RAPGEF4: variants seen among roughly 807,000 people sequenced by gnomAD.
RAPGEF4 encodes the protein RAP guanine-nucleotide-exchange factor (GEF) 4.
RAPGEF4 carries 66 observed loss-of-function variants against 147.9 expected under a neutral mutation model. That is an observed-to-expected ratio of 0.45 (90% confidence interval 0.37 to 0.55). RAPGEF4 has a LOEUF of 0.55. Among genes scored for constraint, RAPGEF4 ranks in the 20% least tolerant of loss-of-function variants. The probability of loss-of-function intolerance (pLI) is 0.00; values close to 1 mark genes in which losing one functional copy is unlikely to be tolerated. For synonymous variants in RAPGEF4, 419 were observed against 442.7 expected, an observed-to-expected ratio of 0.95 and a Z score of 0.67; for missense variants, 1,071 against 1,257.3, an observed-to-expected ratio of 0.85 and a Z score of 2.24.
intron 2 of RAPGEF4, among the ~76,000 whole-genome samples, chr2:172,796,441 C>T (rs531808686): frequency 3.3e-5 from 5 of 151,950 alleles, no homozygotes; most frequent in Non-Finnish European, 5.9e-5. Context: ...AACAATTAGC[C>T]GGGCGTGGTG....
At chr2:172,771,475 T>G (rs966821193) in intron 1 of RAPGEF4, among the ~76,000 whole-genome samples, 23 of 152,102 alleles carry the variant, frequency 1.5e-4, no homozygotes, top group Admixed American at 9.2e-4. Context: ...AGAAAAAGAT[T>G]GAAAAAATAT....
intron 1 of RAPGEF4, among the ~76,000 whole-genome samples, chr2:172,780,622 C>A (rs79247139): frequency 0.011 from 1,635 of 152,280 alleles, 15 homozygotes; most frequent in South Asian, 0.035. Flanking sequence ...CTCAAAATAA[C>A]CATATGGCAT....
At chr2:172,927,513 G>A (rs1452112455) in intron 6 of RAPGEF4, among the ~76,000 whole-genome samples, 1 of 152,138 alleles carries the variant, frequency 6.6e-6, no homozygotes, top group Non-Finnish European at 1.5e-5. Flanking sequence ...GCTCATGCCA[G>A]TAATCCTAAC....
At chr2:173,014,682 C>T (rs1019876245) in intron 18 of RAPGEF4, 68 bp downstream of exon 18, 2 of 1,475,486 alleles carry the variant, frequency 1.4e-6, no homozygotes, top group African/African-American at 2.8e-5. Flanking sequence ...CTTATAGGCT[C>T]AGCAGCTTCC....
chr2:172,880,101 G>C (rs1432560664), intron 4 of RAPGEF4, among the ~76,000 whole-genome samples: 1 of 152,170 alleles, frequency 6.6e-6, no homozygotes, highest in Admixed American at 6.5e-5. Context: ...GACTGAAGGG[G>C]TGGGGGAATC....
intron 1 of RAPGEF4, 76 bp downstream of exon 1, chr2:172,736,124 A>C: frequency 8.4e-7 from 1 of 1,186,326 alleles, no homozygotes; most frequent in Non-Finnish European, 1.1e-6. Flanking sequence ...GCAGCTCCGC[A>C]CCTGGGCGCA....
chr2:172,784,840 T>G lies in RAPGEF4; in HGVS notation c.66-10185T>G, dbSNP rs556157722. Among the ~76,000 whole-genome samples the G allele has an allele frequency of 3.3e-5, 5 of 152,240 alleles. 1 individual carries two copies. The highest frequency in any genetic ancestry group is 1.2e-4 in the African/African-American group (5 of 41,552). ...AAAATGAGATTCTATTTTTTTTTTT[T>G]TTGTGACGGAGTTTTGCTCTTGTTG... On this transcript the variant is annotated intron_variant, in intron 1 of 30. Coordinates refer to ENST00000397081, the MANE Select transcript of RAPGEF4 (RefSeq NM_007023.4).
intron 4 of RAPGEF4, among the ~76,000 whole-genome samples, chr2:172,870,976 T>C (rs1695178797): frequency 6.6e-6 from 1 of 152,212 alleles, no homozygotes; most frequent in South Asian, 2.1e-4. Context: ...TATTTATTTC[T>C]ATTAGAATTA....
chr2:172,960,809 C>T lies in RAPGEF4; in HGVS notation c.587C>T (p.Thr196Ile). ...CCTCTTCGTCCTGCTAACACCATTA[C>T]CAAGGTAATGGGATGTAGGTGGGTT... ...HVPLRPANTI[T>I]KVPSEKILRA... Residue 196 changes from threonine to isoleucine, a missense_variant, in exon 7 of 31, where the codon ACC (threonine) becomes ATC (isoleucine). Transcript: ENST00000397081. 6.2e-7 allele frequency: 1 copy of T among 1,604,828 alleles called. No individual in the cohort carries two copies. The highest frequency in any genetic ancestry group is 8.5e-7 in the Non-Finnish European group (1 of 1,174,508).
intron 10 of RAPGEF4, among the ~76,000 whole-genome samples, chr2:172,974,205 T>C (rs921952707): frequency 6.6e-6 from 1 of 152,222 alleles, no homozygotes; most frequent in African/African-American, 2.4e-5. Context: ...GCTGAGTCAC[T>C]TGCCTATGGT....
At chr2:172,736,106 A>G in intron 1 of RAPGEF4, 58 bp downstream of exon 1, 3 of 1,328,840 alleles carry the variant, frequency 2.3e-6, no homozygotes, top group Non-Finnish European at 2.9e-6. Context: ...CCGGGCCCTG[A>G]GACCGCCGCA....
chr2:173,039,982 G>A (rs1684551112), intron 29 of RAPGEF4, among the ~76,000 whole-genome samples: 1 of 152,082 alleles, frequency 6.6e-6, no homozygotes, highest in Non-Finnish European at 1.5e-5. Flanking sequence ...CTGAGGTCAG[G>A]AGTTCAAGGC....
At chr2:172,936,233 C>T (rs745605925) in intron 6 of RAPGEF4, among the ~76,000 whole-genome samples, 21 of 151,998 alleles carry the variant, frequency 1.4e-4, no homozygotes, top group Non-Finnish European at 7.4e-5. Flanking sequence ...CCGGGCATGG[C>T]GTGTGTGCCT....
At chr2:172,919,053 C>G (rs139484946) in intron 5 of RAPGEF4, among the ~76,000 whole-genome samples, 268 of 152,260 alleles carry the variant, frequency 1.8e-3, no homozygotes, top group African/African-American at 6.1e-3. Flanking sequence ...GTGGGAGGGA[C>G]AGGTTCATCC....
chr2:172,765,188 T>C (rs141435970), intron 1 of RAPGEF4, among the ~76,000 whole-genome samples: 49 of 152,338 alleles, frequency 3.2e-4, no homozygotes, highest in Non-Finnish European at 6.3e-4. Context: ...TGTTTCTGTG[T>C]GTCCTCTCCT....
At chr2:172,925,055 A>G (rs1035114550) in intron 6 of RAPGEF4, among the ~76,000 whole-genome samples, 3 of 152,182 alleles carry the variant, frequency 2.0e-5, no homozygotes, top group Admixed American at 2.0e-4. Flanking sequence ...ATCTCAGCTC[A>G]CTGCAAGCTC....
Position 172,988,318 on chromosome 2 carries a change from C to G in RAPGEF4, c.1227+46C>G, listed in dbSNP as rs556877454. 43 of 1,574,044 alleles carry G rather than the reference C, an allele frequency of 2.7e-5. No individual in the cohort carries two copies. In the South Asian group the frequency reaches 5.1e-4, roughly 19 times the overall value. On this transcript the variant is annotated intron_variant, in intron 13 of 30. Coordinates refer to ENST00000397081, the MANE Select transcript of RAPGEF4 (RefSeq NM_007023.4). ...TTGAAACTTTATTACGCTCCACTTA[C>G]TAGTGTGGCTCTAAGTATTAGCAAT... is the stretch of plus-strand genomic sequence containing the variant.
intron 4 of RAPGEF4, among the ~76,000 whole-genome samples, chr2:172,847,710 A>C (rs1692357087): frequency 6.6e-6 from 1 of 152,236 alleles, no homozygotes; most frequent in Non-Finnish European, 1.5e-5. Context: ...TATTGGGACA[A>C]AACATGTAAA....
At position 173,020,865 on chromosome 2, in the gene RAPGEF4, G is replaced by A. The variant is rs1410759419; in HGVS notation, c.2253+150G>A. On this transcript the variant is annotated intron_variant, in intron 23 of 30. Transcript: ENST00000397081. ...CTGCAGTCTATTAGGTAAGCCTCAG[G>A]TGTTCATTTGAGATGCTCAGGGCTT... 4 of 596,994 alleles carry A rather than the reference G, an allele frequency of 6.7e-6. No individual in the cohort carries two copies. The East Asian group carries it at 1.2e-4, about 18-fold the overall frequency. The allele number at this position is 596,994 out of a possible 1,614,324, so 37.0% of individuals were successfully genotyped here. A position where few individuals can be genotyped will look rare whatever the true frequency, so the allele number is the denominator to read the frequency against.
Sources: allele counts gnomAD v4.1 joint callset (sites outside exome capture counted in the v4.1 genomes callset), GRCh38; gene constraint gnomAD v4.1.1; transcripts MANE v1.5; gene names NCBI Gene and HGNC (gene_info 2026-07-23, HGNC 2026-07-21).